CUX1: variants seen among roughly 807,000 people sequenced by gnomAD.
CUX1 encodes the protein protein CASP.
Under a neutral mutation model 158.8 loss-of-function variants are expected in CUX1, and 31 were observed. The ratio of observed to expected loss-of-function variants is 0.20; its 90% CI spans 0.15 to 0.26. The LOEUF (loss-of-function observed/expected upper bound fraction) is 0.26, where lower values mean the gene tolerates loss of function less well. Ranked by LOEUF, CUX1 falls within the 10% of genes least tolerant of loss-of-function variation. CUX1 has a pLI of 1.00. For synonymous variants in CUX1, 879 were observed against 862.1 expected, an observed-to-expected ratio of 1.02 and a Z score of -0.34; for missense variants, 1,589 against 2,014.6, an observed-to-expected ratio of 0.79 and a Z score of 4.04.
chr7:102,066,034 C>G (rs1205763147), intron 3 of CUX1, among the ~76,000 whole-genome samples: 2 of 152,172 alleles, frequency 1.3e-5, no homozygotes, highest in African/African-American at 2.4e-5. Flanking sequence ...TGTGATCCAC[C>G]TGCCTTGGCC....
chr7:101,861,164 C>G (rs924124769), intron 1 of CUX1, among the ~76,000 whole-genome samples: 1 of 152,156 alleles, frequency 6.6e-6, no homozygotes, highest in East Asian at 1.9e-4. Context: ...TCTCAGCCAC[C>G]CTGCTCCTTC....
At chr7:101,831,237 A>C (rs1262984472) in intron 1 of CUX1, among the ~76,000 whole-genome samples, 1 of 151,638 alleles carries the variant, frequency 6.6e-6, no homozygotes, top group Non-Finnish European at 1.5e-5. Context: ...GCAGCATTCT[A>C]GCATAGGGAT....
At chr7:101,842,200 G>C (rs1478139401) in intron 1 of CUX1, among the ~76,000 whole-genome samples, 1 of 151,980 alleles carries the variant, frequency 6.6e-6, no homozygotes, top group South Asian at 2.1e-4. Flanking sequence ...CTTCTTTTTG[G>C]TGTCTTGCAC....
At chr7:101,920,676 C>T (rs1037989377) in intron 2 of CUX1, among the ~76,000 whole-genome samples, 9 of 152,146 alleles carry the variant, frequency 5.9e-5, no homozygotes, top group Non-Finnish European at 1.2e-4. Context: ...AGTTAATTTG[C>T]AGAAGATTGC....
At chr7:102,001,756 A>G (rs1380457415) in intron 2 of CUX1, among the ~76,000 whole-genome samples, 1 of 152,230 alleles carries the variant, frequency 6.6e-6, no homozygotes. Flanking sequence ...AGGACACACA[A>G]CAGGTTCTTG....
chr7:102,179,035 GTTTA>G (rs1276355558), intron 11 of CUX1, among the ~76,000 whole-genome samples: 2 of 151,550 alleles, frequency 1.3e-5, no homozygotes, highest in African/African-American at 4.9e-5. Flanking sequence ...CGGCTTATTT[GTTTA>G]TTTATTTATT....
At chr7:101,847,577 G>A (rs1010012042) in intron 1 of CUX1, among the ~76,000 whole-genome samples, 9 of 152,200 alleles carry the variant, frequency 5.9e-5, no homozygotes, top group African/African-American at 2.2e-4. Context: ...GAGACTCAAC[G>A]TATGGCAGTG....
intron 4 of CUX1, among the ~76,000 whole-genome samples, chr7:102,084,869 T>G (rs2130784500): frequency 6.9e-6 from 1 of 145,056 alleles, no homozygotes; most frequent in East Asian, 1.9e-4. Flanking sequence ...TTTTTTTTTT[T>G]TTTTTTTTTT....
intron 1 of CUX1, among the ~76,000 whole-genome samples, chr7:101,876,341 AC>A (rs57684347): frequency 0.4 from 57,688 of 142,612 alleles, 12,212 homozygotes; most frequent in African/African-American, 0.48. Context: ...TAAAAAAAAA[AC>A]AAAAAAAAAA....
intron 2 of CUX1, among the ~76,000 whole-genome samples, chr7:101,988,402 T>C (rs898843815): frequency 1.3e-5 from 2 of 152,098 alleles, no homozygotes; most frequent in Non-Finnish European, 2.9e-5. Flanking sequence ...TGGTGGGTCT[T>C]AACTCTCCTG....
chr7:101,898,585 CTTTTTTTTTTT>C (rs67714464), intron 1 of CUX1, among the ~76,000 whole-genome samples: 6 of 115,456 alleles, frequency 5.2e-5, no homozygotes, highest in South Asian at 2.8e-4. Context: ...ATTTCTGTGT[CTTTTTTTTTTT>C]TTTTTTTTTT....
intron 1 of CUX1, among the ~76,000 whole-genome samples, chr7:101,908,748 G>A (rs1584947988): frequency 6.6e-6 from 1 of 152,234 alleles, no homozygotes; most frequent in Admixed American, 6.5e-5. Flanking sequence ...GGTGGGGGAT[G>A]CTGGTGGCAG....
chr7:101,913,651 C>T (rs2129080833), intron 1 of CUX1, among the ~76,000 whole-genome samples: 1 of 152,252 alleles, frequency 6.6e-6, no homozygotes, highest in East Asian at 1.9e-4. Context: ...CACCTTCATA[C>T]CTCCAGCGCC....
At chr7:102,085,884 C>T (rs1392957797) in intron 4 of CUX1, among the ~76,000 whole-genome samples, 1 of 152,242 alleles carries the variant, frequency 6.6e-6, no homozygotes, top group African/African-American at 2.4e-5. Flanking sequence ...ATCAGTGTTG[C>T]CATCCAGGCC....
At chr7:102,059,021 G>A (rs375995053) in intron 3 of CUX1, among the ~76,000 whole-genome samples, 21 of 152,352 alleles carry the variant, frequency 1.4e-4, no homozygotes, top group East Asian at 7.7e-4. Context: ...CTGCAGGCAG[G>A]TTTCCCTGTT....
intron 2 of CUX1, among the ~76,000 whole-genome samples, chr7:101,948,281 C>T (rs434564): frequency 0.59 from 89,599 of 152,010 alleles, 28,108 homozygotes; most frequent in Non-Finnish European, 0.72. Flanking sequence ...GTAAACTTGG[C>T]ATTATCACGA....
At chr7:102,168,133 A>G (rs182951814) in intron 9 of CUX1, among the ~76,000 whole-genome samples, 6 of 151,672 alleles carry the variant, frequency 4.0e-5, no homozygotes, top group Admixed American at 3.3e-4. Flanking sequence ...ACCAGAAATC[A>G]CCTCTACAGT....
At position 101,915,621 on chromosome 7, in the gene CUX1, A is replaced by G. The variant is rs539994766; in HGVS notation, c.31-494A>G. Among the ~76,000 whole-genome samples, 12 of 152,290 alleles carry G rather than the reference A, an allele frequency of 7.9e-5. No homozygotes were observed. In the South Asian group the frequency reaches 2.5e-3, roughly 32 times the overall value. ...TGAATACAAACCAAGTATTACTCTCAGAGATCCCAGGCCCACAGCATTGAA... is the reference window on the plus strand; with the variant it reads ...TGAATACAAACCAAGTATTACTCTCGGAGATCCCAGGCCCACAGCATTGAA... On this transcript the variant is annotated intron_variant, in intron 1 of 23. Coordinates refer to ENST00000292535, the MANE Select transcript of CUX1 (RefSeq NM_181552.4).
At chr7:102,245,840 C>T (rs1338904256) in intron 23 of CUX1, among the ~76,000 whole-genome samples, 1 of 151,982 alleles carries the variant, frequency 6.6e-6, no homozygotes, top group Admixed American at 6.6e-5. Context: ...GTTGTCGTGG[C>T]ACGTACCTGT....
Sources: gnomAD v4.1 joint callset for allele counts (sites outside exome capture counted in the v4.1 genomes callset) on GRCh38, gnomAD v4.1.1 for gene constraint, MANE v1.5 for transcripts, NCBI Gene and HGNC (gene_info 2026-07-23, HGNC 2026-07-21) for gene names.